Variants in PDK1 observed in about 807,000 individuals in gnomAD.
The protein encoded by PDK1 is pyruvate dehydrogenase kinase 1, also known as [Pyruvate dehydrogenase (acetyl-transferring)] kinase isozyme 1, mitochondrial.
PDK1 carries 39 observed loss-of-function variants against 54.2 expected under a neutral mutation model. The observed-to-expected ratio is 0.72, with a 90% CI of 0.56 to 0.94. PDK1 has a LOEUF of 0.94. Ranked by LOEUF, PDK1 falls within the 40% of genes least tolerant of loss-of-function variation. The pLI, the probability that PDK1 is intolerant of heterozygous loss-of-function variation, is 0.00. For missense variants in PDK1, 552 were observed against 566.0 expected (o/e 0.98, Z 0.25); for synonymous variants, 221 against 207.1 (o/e 1.07, Z -0.58).
At chr2:172,721,684 T>C in the PDK1 span, among the ~76,000 whole-genome samples, 7 of 152,192 alleles carry the variant, frequency 4.6e-5, no homozygotes, top group African/African-American at 1.7e-4. Context: ...TTTTGCAGAT[T>C]TTTCCCAGTA....
At chr2:172,702,167 G>A in the PDK1 span, among the ~76,000 whole-genome samples, 4 of 152,104 alleles carry the variant, frequency 2.6e-5, no homozygotes, top group Non-Finnish European at 4.4e-5. Flanking sequence ...TGCATTGCTT[G>A]TGGGTTCCAA....
intron 2 of PDK1, among the ~76,000 whole-genome samples, chr2:172,560,813 C>T (rs1688617138): frequency 6.6e-6 from 1 of 152,154 alleles, no homozygotes; most frequent in Non-Finnish European, 1.5e-5. Context: ...ATACAGCCTT[C>T]ATTAATGTTA....
At chr2:172,682,380 C>T in the PDK1 span, among the ~76,000 whole-genome samples, 1 of 152,240 alleles carries the variant, frequency 6.6e-6, no homozygotes, top group African/African-American at 2.4e-5. Context: ...AGTCTGTGGG[C>T]AGACGAGTGA....
At chr2:172,609,654 G>A (rs1230182161), downstream of PDK1, among the ~76,000 whole-genome samples, 5 of 152,176 alleles carry the variant, frequency 3.3e-5, no homozygotes, top group East Asian at 1.9e-4. Flanking sequence ...ACGGACATGC[G>A]TGTTTCCTTA....
the PDK1 span, among the ~76,000 whole-genome samples, chr2:172,694,560 G>C: frequency 6.6e-6 from 1 of 152,164 alleles, no homozygotes; most frequent in African/African-American, 2.4e-5. Flanking sequence ...GGATGTGCTA[G>C]TTTGGTGAAT....
At chr2:172,666,677 G>T in the PDK1 span, among the ~76,000 whole-genome samples, 4 of 152,304 alleles carry the variant, frequency 2.6e-5, no homozygotes, top group East Asian at 7.7e-4. Context: ...AACAGAGCAG[G>T]TGACCAAAGA....
chr2:172,647,409 G>A, the PDK1 span, among the ~76,000 whole-genome samples: 6 of 152,250 alleles, frequency 3.9e-5, no homozygotes, highest in East Asian at 1.2e-3. Context: ...GAGAGAAGCT[G>A]TAAAATGCAA....
At chr2:172,649,069 G>A in the PDK1 span, among the ~76,000 whole-genome samples, 2 of 152,210 alleles carry the variant, frequency 1.3e-5, no homozygotes, top group East Asian at 1.9e-4. Context: ...TAGCCTAACT[G>A]GGAGACACCT....
intron 8 of PDK1, among the ~76,000 whole-genome samples, chr2:172,580,577 T>C (rs1241574579): frequency 6.6e-6 from 1 of 152,164 alleles, no homozygotes; most frequent in African/African-American, 2.4e-5. Context: ...AAAGAAAAAT[T>C]CATAATGACC....
At chr2:172,571,212 C>T (rs1055394739) in intron 8 of PDK1, among the ~76,000 whole-genome samples, 2 of 152,042 alleles carry the variant, frequency 1.3e-5, no homozygotes, top group Admixed American at 6.5e-5. Flanking sequence ...ATTCTCATGA[C>T]GTAGGTAATT....
At chr2:172,653,003 A>G in the PDK1 span, among the ~76,000 whole-genome samples, 2 of 152,184 alleles carry the variant, frequency 1.3e-5, no homozygotes, top group African/African-American at 4.8e-5. Context: ...AAAAGAGCCC[A>G]CATTGCCAAG....
chr2:172,587,839 A>G (rs535881870), intron 9 of PDK1, among the ~76,000 whole-genome samples: 1 of 152,166 alleles, frequency 6.6e-6, no homozygotes, highest in South Asian at 2.1e-4. Flanking sequence ...TGATTGGTGC[A>G]TTTACAATCC....
At chr2:172,584,154 A>T (rs1690076847) in intron 8 of PDK1, among the ~76,000 whole-genome samples, 1 of 152,192 alleles carries the variant, frequency 6.6e-6, no homozygotes, top group Non-Finnish European at 1.5e-5. Context: ...AATTGCTGGT[A>T]GATGGAAATA....
At chr2:172,632,991 A>AAAAAAAAAAAAAAAAAAAAAACAAAAAAC in the PDK1 span, among the ~76,000 whole-genome samples, 1 of 147,486 alleles carries the variant, frequency 6.8e-6, no homozygotes, top group African/African-American at 2.6e-5. Context: ...AAAAAAAAAA[A>AAAAAAAAAAAAAAAAAAAAAACAAAAAAC]AAGGAACATA....
the PDK1 span, among the ~76,000 whole-genome samples, chr2:172,686,127 T>C: frequency 6.6e-6 from 1 of 152,070 alleles, no homozygotes; most frequent in African/African-American, 2.4e-5. Flanking sequence ...GGCCAAAATA[T>C]CATAAAAAAG....
chr2:172,616,229 T>C, the PDK1 span, among the ~76,000 whole-genome samples: 1 of 152,228 alleles, frequency 6.6e-6, no homozygotes, highest in Non-Finnish European at 1.5e-5. Flanking sequence ...AAATAACTTG[T>C]GACCTAAAAC....
intron 6 of PDK1, among the ~76,000 whole-genome samples, chr2:172,567,832 G>A (rs1207423698): frequency 6.6e-6 from 1 of 152,198 alleles, no homozygotes; most frequent in Non-Finnish European, 1.5e-5. Flanking sequence ...GATATCATGA[G>A]TCTTAATCAT....
chr2:172,700,617 G>C, the PDK1 span, among the ~76,000 whole-genome samples: 7 of 152,284 alleles, frequency 4.6e-5, no homozygotes, highest in South Asian at 1.5e-3. Flanking sequence ...CCAGGTAGAG[G>C]CTACAATCTC....
At chr2:172,716,017 T>C in the PDK1 span, among the ~76,000 whole-genome samples, 3 of 152,224 alleles carry the variant, frequency 2.0e-5, no homozygotes, top group Admixed American at 1.3e-4. Flanking sequence ...CATTAGATTA[T>C]AATGATTTTT....
Sources: allele counts gnomAD v4.1 joint callset (sites outside exome capture counted in the v4.1 genomes callset), GRCh38; gene constraint gnomAD v4.1.1; transcripts MANE v1.5; gene names NCBI Gene and HGNC (gene_info 2026-07-23, HGNC 2026-07-21).